The following CEP76 variants were observed in gnomAD, a reference collection of about 807,000 sequenced individuals.
CEP76 encodes the protein centrosomal protein of 76 kDa.
A neutral mutation model predicts 83.3 loss-of-function variants in CEP76; 55 were observed. The ratio of observed to expected loss-of-function variants is 0.66; its 90% CI spans 0.53 to 0.83. CEP76 has a LOEUF of 0.83. CEP76 is among the 40% of genes least tolerant of loss of function. The pLI, the probability that CEP76 is intolerant of heterozygous loss-of-function variation, is 0.00. For synonymous variants in CEP76, 270 were observed against 274.5 expected, an observed-to-expected ratio of 0.98 and a Z score of 0.16; for missense variants, 694 against 799.5, an observed-to-expected ratio of 0.87 and a Z score of 1.59.
downstream of CEP76, among the ~76,000 whole-genome samples, chr18:12,671,637 ACTTT>A (rs141904842): frequency 0.19 from 22,022 of 118,898 alleles, 2,585 homozygotes; most frequent in Non-Finnish European, 0.24. Flanking sequence ...CAGGTTTCAC[ACTTT>A]CTTTTTTTTT....
downstream of CEP76, chr18:12,670,548 A>G (rs181035452): frequency 6.6e-6 from 1 of 152,332 alleles, no homozygotes; most frequent in African/African-American, 2.4e-5. Flanking sequence ...TGATCTTAAT[A>G]TAGTCTGTCT....
chr18:12,675,186 G>A (rs947297131), intron 10 of CEP76, among the ~76,000 whole-genome samples: 1 of 152,140 alleles, frequency 6.6e-6, no homozygotes, highest in African/African-American at 2.4e-5. Context: ...CATGAGGTCA[G>A]GAGATTGAGA....
chr18:12,688,579 A>G (rs1440294553), intron 7 of CEP76, among the ~76,000 whole-genome samples: 1 of 152,186 alleles, frequency 6.6e-6, no homozygotes, highest in Non-Finnish European at 1.5e-5. Flanking sequence ...TATTACAGCA[A>G]TATTCTAATA....
chr18:12,689,262 G>C (rs539137980), intron 7 of CEP76, among the ~76,000 whole-genome samples: 1 of 145,462 alleles, frequency 6.9e-6, no homozygotes, highest in Non-Finnish European at 1.5e-5. Context: ...TTTAATTTCA[G>C]AACTAGTCAA....
intron 12 of CEP76, among the ~76,000 whole-genome samples, chr18:12,666,197 A>G (rs953665573): frequency 4.6e-5 from 7 of 151,898 alleles, no homozygotes; most frequent in Non-Finnish European, 8.8e-5. Flanking sequence ...TCATGGTGGC[A>G]TACACCTATA....
At chr18:12,696,935 A>G (rs1407728746) in intron 5 of CEP76, among the ~76,000 whole-genome samples, 2 of 147,900 alleles carry the variant, frequency 1.4e-5, no homozygotes, top group Admixed American at 1.3e-4. Flanking sequence ...ATAGCCTTAT[A>G]TTTAATCAAA....
chr18:12,668,031 G>A (rs866147063), downstream of CEP76, among the ~76,000 whole-genome samples: 82 of 152,016 alleles, frequency 5.4e-4, 1 homozygote, highest in African/African-American at 1.8e-3. Context: ...TTGGGAGGCC[G>A]AGGCAGGCGT....
chr18:12,702,304 T>C lies in CEP76; in HGVS notation c.63+182A>G, dbSNP rs981493724. ...CTAGCACCTGCTCGGCTCGTTTTCT[T>C]TCTCGGAGACGAGGACGCTCTCCTG... On this transcript the variant is annotated intron_variant, in intron 1 of 11. Coordinates refer to ENST00000262127, the MANE Select transcript of CEP76 (RefSeq NM_024899.4). 1.1e-5 allele frequency: 6 copies of C among 553,664 alleles called. No homozygotes were observed. The Admixed American group carries it at 2.3e-4, about 21-fold the overall frequency. The allele number at this position is 553,664 out of a possible 1,614,324, so 34.3% of individuals were successfully genotyped here.
downstream of CEP76, among the ~76,000 whole-genome samples, chr18:12,667,774 A>G (rs910547536): frequency 3.4e-5 from 5 of 148,966 alleles, no homozygotes; most frequent in African/African-American, 1.2e-4. Flanking sequence ...AAAAAAAAAA[A>G]AAAGAAAAGA....
intron 4 of CEP76, among the ~76,000 whole-genome samples, chr18:12,697,628 G>T (rs1225797949): frequency 6.6e-6 from 1 of 152,224 alleles, no homozygotes; most frequent in African/African-American, 2.4e-5. Context: ...GAGTTATCCA[G>T]TAACTTACAG....
At chr18:12,696,992 A>G (rs1253053428) in intron 5 of CEP76, among the ~76,000 whole-genome samples, 1 of 152,182 alleles carries the variant, frequency 6.6e-6, no homozygotes, top group Non-Finnish European at 1.5e-5. Context: ...CATTTTCCAG[A>G]AAAAAACATT....
At chr18:12,695,099 A>G in intron 6 of CEP76, among the ~76,000 whole-genome samples, 155 bp downstream of exon 6, 1 of 152,000 alleles carries the variant, frequency 6.6e-6, no homozygotes, top group Non-Finnish European at 1.5e-5. Flanking sequence ...TCTTGTCTTT[A>G]TTTTCTTCCT....
chr18:12,681,978 A>G (rs1318523854), intron 8 of CEP76, among the ~76,000 whole-genome samples: 1 of 151,692 alleles, frequency 6.6e-6, no homozygotes, highest in African/African-American at 2.4e-5. Context: ...CCTGGACAAC[A>G]GAGTGAGACT....
At chr18:12,683,832 A>G (rs1285013399) in intron 8 of CEP76, among the ~76,000 whole-genome samples, 1 of 152,082 alleles carries the variant, frequency 6.6e-6, no homozygotes, top group Non-Finnish European at 1.5e-5. Flanking sequence ...TTATAAAGCA[A>G]GATACAAAAA....
intron 9 of CEP76, 102 bp downstream of exon 9, chr18:12,680,560 G>C (rs2039308166): frequency 1.3e-6 from 1 of 794,702 alleles, no homozygotes. Flanking sequence ...TTGTGCCAGT[G>C]CACTCCAGCC....
At chr18:12,669,392 A>G (rs942357439), downstream of CEP76, among the ~76,000 whole-genome samples, 2 of 151,882 alleles carry the variant, frequency 1.3e-5, no homozygotes, top group African/African-American at 4.8e-5. Flanking sequence ...GATTACAGGC[A>G]TGAGCCACCG....
chr18:12,698,887 C>T, intron 4 of CEP76, 92 bp downstream of exon 4: 1 of 885,322 alleles, frequency 1.1e-6, no homozygotes, highest in South Asian at 1.9e-5. Flanking sequence ...CATTATAAAT[C>T]TCTCCTTACA....
chr18:12,699,883 G>A lies in CEP76; in HGVS notation c.242C>T (p.Pro81Leu), dbSNP rs774450068. 54 of 1,596,606 alleles carry A rather than the reference G, an allele frequency of 3.4e-5. No homozygotes were observed. The highest frequency in any genetic ancestry group is 4.4e-5 in the Non-Finnish European group (52 of 1,171,454). ...FVTDSVEQELPSSPKQPICFD... is the reference protein window; with the variant it reads ...FVTDSVEQELLSSPKQPICFD... ...ACAAATAGGTTGTTTTGGAGAGGAA[G>A]GGAGTTCTTGCTCAACACTGTCCTA... The change falls in exon 3 of 12, where the codon CCT becomes CTT. Residue 81 changes from proline to leucine, a missense_variant. Physicochemically the swap from Pro to Leu is moderately conservative, Grantham distance 98 (BLOSUM62 -3). Coordinates refer to ENST00000262127, the MANE Select transcript of CEP76 (RefSeq NM_024899.4).
Position 12,686,294 on chromosome 18 carries a change from A to T in CEP76, c.1090T>A (p.Cys364Ser), listed in dbSNP as rs751872031. 5.0e-6 allele frequency: 8 copies of T among 1,614,044 alleles called. No individual in the cohort carries two copies. Among genetic ancestry groups the T allele is most frequent in the Admixed American group, 1.7e-5 (1 of 60,000 alleles). Reference sequence around the variant, plus strand: ...CTACAGAGAAAGGCCAGCAGAGTGCACCACTGCTCCTGTTTACCTCCTCCT... The same window carrying T: ...CTACAGAGAAAGGCCAGCAGAGTGCTCCACTGCTCCTGTTTACCTCCTCCT... ...IGGGGKQEQWCTLLAFLCRNK... is the reference protein window; with the variant it reads ...IGGGGKQEQWSTLLAFLCRNK... The change falls in exon 8 of 12, where the codon TGC (cysteine) becomes AGC (serine). Residue 364 changes from cysteine to serine, a missense_variant. Physicochemically the swap from Cys to Ser is moderately radical, Grantham distance 112 (BLOSUM62 -1). Coordinates refer to ENST00000262127, the MANE Select transcript of CEP76 (RefSeq NM_024899.4).
Sources: gnomAD v4.1 joint callset for allele counts (sites outside exome capture counted in the v4.1 genomes callset) on GRCh38, gnomAD v4.1.1 for gene constraint, MANE v1.5 for transcripts, NCBI Gene and HGNC (gene_info 2026-07-23, HGNC 2026-07-21) for gene names.